Variants in DPP6 observed in about 807,000 individuals in gnomAD.
DPP6 encodes dipeptidyl peptidase like 6.
In DPP6, 69 loss-of-function variants were observed where a neutral mutation model predicts 122.6. That is an observed-to-expected ratio of 0.56 (90% CI 0.46 to 0.69). The LOEUF (loss-of-function observed/expected upper bound fraction) is 0.69, where lower values mean the gene tolerates loss of function less well. DPP6 is among the 30% of genes least tolerant of loss of function. DPP6 has a pLI of 0.00. For synonymous variants in DPP6, 418 were observed against 433.1 expected, an observed-to-expected ratio of 0.97 and a Z score of 0.43; for missense variants, 928 against 1,116.9, an observed-to-expected ratio of 0.83 and a Z score of 2.41.
the DPP6 span, among the ~76,000 whole-genome samples, chr7:153,802,105 G>T: frequency 1.2e-3 from 180 of 152,316 alleles, 1 homozygote; most frequent in African/African-American, 4.2e-3. Flanking sequence ...AACTCAGAAA[G>T]TTTCGGTCAG....
At chr7:154,275,032 C>A (rs1413515281) in intron 1 of DPP6, among the ~76,000 whole-genome samples, 1 of 152,256 alleles carries the variant, frequency 6.6e-6, no homozygotes, top group Non-Finnish European at 1.5e-5. Context: ...TGCACACCTG[C>A]TGCAGGTGCA....
chr7:154,339,737 G>A (rs1435651332), intron 1 of DPP6, among the ~76,000 whole-genome samples: 1 of 152,052 alleles, frequency 6.6e-6, no homozygotes, highest in Non-Finnish European at 1.5e-5. Context: ...TAAGTGCCTT[G>A]GAATGCACTT....
Position 154,847,737 on chromosome 7 carries a change from C to T in DPP6, c.1667-6043C>T, listed in dbSNP as rs1042983465. On this transcript the variant is annotated intron_variant, in intron 16 of 25. Coordinates refer to ENST00000377770, the MANE Select transcript of DPP6 (RefSeq NM_130797.4). ...ATGCATTATTATTACCTAGAGTCAC[C>T]ATGCTGTACAATAGACACCAAAAGG... 2.6e-5 allele frequency among the ~76,000 whole-genome samples: 4 copies of T among 152,130 alleles called. No individual in the cohort carries two copies. The East Asian group carries it at 7.7e-4, about 29-fold the overall frequency.
chr7:154,477,764 G>A (rs2151357108), intron 3 of DPP6, among the ~76,000 whole-genome samples: 1 of 152,288 alleles, frequency 6.6e-6, no homozygotes, highest in South Asian at 2.1e-4. Context: ...AGCAGAAAAT[G>A]CCCAGCCTGC....
chr7:154,090,650 T>C (rs1394589311), intron 1 of DPP6, among the ~76,000 whole-genome samples: 1 of 151,818 alleles, frequency 6.6e-6, no homozygotes, highest in Non-Finnish European at 1.5e-5. Flanking sequence ...TTCTGGTCCG[T>C]TGAGCTGAGA....
At chr7:154,031,450 G>A (rs979689796) in intron 1 of DPP6, among the ~76,000 whole-genome samples, 1 of 151,830 alleles carries the variant, frequency 6.6e-6, no homozygotes, top group Non-Finnish European at 1.5e-5. Context: ...CAGCATGTCT[G>A]TAGGCAAAAT....
In DPP6 at chr7:154,409,705, G is replaced by A. The variant is rs142193196; in HGVS notation, c.244-36509G>A. On this transcript the variant is annotated intron_variant, in intron 1 of 25. Transcript: ENST00000377770. ...TGTTTTGTTTTTTCCTTGCCCTGGC[G>A]CTAAAATCAGTTATTTCTCCAAAGA... Among the ~76,000 whole-genome samples, 507 of 152,148 alleles carry A rather than the reference G, an allele frequency of 3.3e-3. 11 individuals are homozygous for A. Among genetic ancestry groups the A allele is most frequent in the Admixed American group, 0.025 (387 of 15,262 alleles).
At chr7:153,890,405 G>T (rs1368617588) in intron 1 of DPP6, among the ~76,000 whole-genome samples, 1 of 152,222 alleles carries the variant, frequency 6.6e-6, no homozygotes, top group African/African-American at 2.4e-5. Flanking sequence ...CACATTGTAT[G>T]ATTGTTCTGG....
chr7:154,575,134 G>GGT (rs1831475400), intron 5 of DPP6, among the ~76,000 whole-genome samples: 1 of 141,638 alleles, frequency 7.1e-6, no homozygotes, highest in Non-Finnish European at 1.5e-5. Flanking sequence ...GTGTGTGTGT[G>GGT]GTATGTGTAT....
At chr7:154,613,590 G>A (rs1181257423) in intron 5 of DPP6, among the ~76,000 whole-genome samples, 1 of 116,898 alleles carries the variant, frequency 8.6e-6, no homozygotes, top group Admixed American at 1.3e-4. Context: ...TTGCACTCCA[G>A]CCTGGGCAAC....
intron 1 of DPP6, among the ~76,000 whole-genome samples, chr7:154,075,955 G>A (rs999624366): frequency 6.6e-6 from 1 of 151,772 alleles, no homozygotes; most frequent in African/African-American, 2.4e-5. Flanking sequence ...GTGATAAAAT[G>A]TATATGCATA....
At chr7:154,648,296 C>T (rs889947634) in intron 6 of DPP6, among the ~76,000 whole-genome samples, 13 of 151,990 alleles carry the variant, frequency 8.6e-5, no homozygotes, top group Non-Finnish European at 1.5e-4. Context: ...CTGAGCCCCT[C>T]GCAAGTGCCA....
At chr7:154,837,963 T>C (rs1563267432) in intron 16 of DPP6, among the ~76,000 whole-genome samples, 2 of 152,150 alleles carry the variant, frequency 1.3e-5, no homozygotes, top group East Asian at 3.8e-4. Context: ...ATATTCACAT[T>C]CCCCCAAGCG....
chr7:154,232,589 C>T (rs1800981369), intron 1 of DPP6, among the ~76,000 whole-genome samples: 1 of 152,318 alleles, frequency 6.6e-6, no homozygotes, highest in African/African-American at 2.4e-5. Flanking sequence ...GAACCAATGG[C>T]CCTGTTAGAA....
At chr7:154,644,670 G>C (rs1441374861) in intron 6 of DPP6, among the ~76,000 whole-genome samples, 1 of 151,096 alleles carries the variant, frequency 6.6e-6, no homozygotes, top group Non-Finnish European at 1.5e-5. Flanking sequence ...GGAAGCACCA[G>C]TGTGAAGCAA....
rs1178399349 is a variant in DPP6, at chr7:154,359,085, T to A, written c.244-87129T>A. On this transcript the variant is annotated intron_variant, in intron 1 of 25. Transcript: ENST00000377770. Reference sequence around the variant, plus strand: ...AGCTGAATTCAGGAAATGTGATGCATGTGCTGGTGCACATACCCAAGAAGA... The same window carrying A: ...AGCTGAATTCAGGAAATGTGATGCAAGTGCTGGTGCACATACCCAAGAAGA... Among the ~76,000 whole-genome samples the A allele has an allele frequency of 1.2e-4, 19 of 152,342 alleles. No homozygotes were observed. The East Asian group carries it at 3.3e-3, about 26-fold the overall frequency.
chr7:154,061,680 C>T (rs1180979678), intron 1 of DPP6, among the ~76,000 whole-genome samples: 2 of 115,674 alleles, frequency 1.7e-5, no homozygotes, highest in African/African-American at 3.6e-5. Flanking sequence ...CCCCCTGGCT[C>T]TTGGGACCAC....
intron 3 of DPP6, among the ~76,000 whole-genome samples, chr7:154,507,206 G>T (rs1030049708): frequency 2.6e-5 from 4 of 152,084 alleles, no homozygotes; most frequent in African/African-American, 9.7e-5. Flanking sequence ...AAGTTTTGAA[G>T]AAATGAACAT....
chr7:154,354,462 AC>A (rs1336691081), intron 1 of DPP6, among the ~76,000 whole-genome samples: 1 of 152,066 alleles, frequency 6.6e-6, no homozygotes, highest in East Asian at 1.9e-4. Flanking sequence ...CAGCTTGTAA[AC>A]TTTCCCTTCC....
Sources: gnomAD v4.1 joint callset for allele counts (sites outside exome capture counted in the v4.1 genomes callset) on GRCh38, gnomAD v4.1.1 for gene constraint, MANE v1.5 for transcripts, NCBI Gene and HGNC (gene_info 2026-07-23, HGNC 2026-07-21) for gene names.